Variants in SPAST observed in about 807,000 individuals in gnomAD.
SPAST encodes spastin, also known as spastic paraplegia 4 (autosomal dominant; spastin).
In SPAST, 30 loss-of-function variants were observed where a neutral mutation model predicts 76.6. The ratio of observed to expected loss-of-function variants is 0.39; its 90% confidence interval spans 0.29 to 0.53. The LOEUF (loss-of-function observed/expected upper bound fraction) is 0.53. Among genes scored for constraint, SPAST ranks in the 20% least tolerant of loss-of-function variants. The pLI is 0.68. For synonymous variants in SPAST, 305 were observed against 281.0 expected, an observed-to-expected ratio of 1.09 and a Z score of -0.86; for missense variants, 717 against 770.5, an observed-to-expected ratio of 0.93 and a Z score of 0.82.
intron 1 of SPAST, among the ~76,000 whole-genome samples, chr2:32,077,570 T>C (rs1281712524): frequency 6.6e-6 from 1 of 152,152 alleles, no homozygotes; most frequent in Non-Finnish European, 1.5e-5. Context: ...CCAGACAGAT[T>C]AACTGACTTT....
chr2:32,136,113 T>A (rs1401595177), intron 9 of SPAST, among the ~76,000 whole-genome samples: 3 of 151,828 alleles, frequency 2.0e-5, no homozygotes, highest in African/African-American at 7.3e-5. Flanking sequence ...GAAATTTTGA[T>A]ATTTATGTGA....
At chr2:32,138,215 T>C (rs1022820979) in intron 12 of SPAST, among the ~76,000 whole-genome samples, 1 of 152,232 alleles carries the variant, frequency 6.6e-6, no homozygotes, top group African/African-American at 2.4e-5. Context: ...ATTTGTTTTA[T>C]GTTTTTTGAG....
At chr2:32,103,638 A>G (rs183634832) in intron 4 of SPAST, among the ~76,000 whole-genome samples, 1 of 152,074 alleles carries the variant, frequency 6.6e-6, no homozygotes, top group Non-Finnish European at 1.5e-5. Flanking sequence ...ACTACTTTAA[A>G]TGTGTCCCAA....
intron 4 of SPAST, among the ~76,000 whole-genome samples, chr2:32,101,082 G>A (rs1266544790): frequency 6.6e-6 from 1 of 152,186 alleles, no homozygotes. Flanking sequence ...CATCAACAGT[G>A]TAAAAGTGTT....
intron 7 of SPAST, among the ~76,000 whole-genome samples, chr2:32,121,503 T>A (rs866021231): frequency 6.6e-6 from 1 of 151,474 alleles, no homozygotes; most frequent in Non-Finnish European, 1.5e-5. Flanking sequence ...ATTCTTTAAT[T>A]TAAAAAAAGT....
At chr2:32,073,507 C>G (rs886904377) in intron 1 of SPAST, among the ~76,000 whole-genome samples, 3 of 152,026 alleles carry the variant, frequency 2.0e-5, no homozygotes, top group African/African-American at 4.8e-5. Context: ...GTTTTTAAAG[C>G]AAGATAGAGA....
intron 4 of SPAST, among the ~76,000 whole-genome samples, chr2:32,112,732 G>T (rs1211103798): frequency 6.6e-6 from 1 of 152,024 alleles, no homozygotes; most frequent in African/African-American, 2.4e-5. Context: ...AAAGTAAACT[G>T]GTTGTCTAAA....
intron 4 of SPAST, among the ~76,000 whole-genome samples, chr2:32,113,376 C>T (rs1415196670): frequency 2.0e-5 from 3 of 151,750 alleles, no homozygotes; most frequent in African/African-American, 7.3e-5. Context: ...TGAGCTACTG[C>T]ACCCGGCCTA....
At chr2:32,142,021 C>A in intron 13 of SPAST, 75 bp downstream of exon 13, 1 of 1,122,502 alleles carries the variant, frequency 8.9e-7, no homozygotes, top group Non-Finnish European at 1.4e-6. Context: ...ATTAAGTCTT[C>A]CAATCCATGG....
chr2:32,114,446 CT>C (rs1049983063), intron 4 of SPAST, among the ~76,000 whole-genome samples, 191 bp from the exon 5 acceptor site: 2 of 152,032 alleles, frequency 1.3e-5, no homozygotes, highest in African/African-American at 4.8e-5. Flanking sequence ...GGGAAAAAAC[CT>C]AATAACCATA....
chr2:32,083,683 G>T (rs1027052540), intron 1 of SPAST, among the ~76,000 whole-genome samples: 110 of 112,424 alleles, frequency 9.8e-4, no homozygotes, highest in African/African-American at 3.6e-3. Context: ...ATATTTTTAT[G>T]CTATATATAG....
chr2:32,085,307 CTT>C (rs780707874), intron 1 of SPAST, among the ~76,000 whole-genome samples: 3 of 148,118 alleles, frequency 2.0e-5, no homozygotes, highest in Non-Finnish European at 3.0e-5. Flanking sequence ...ACTTCTACCT[CTT>C]CAGCTCAAGT....
chr2:32,151,730 C>T (rs370514632), intron 16 of SPAST, among the ~76,000 whole-genome samples: 1 of 151,770 alleles, frequency 6.6e-6, no homozygotes, highest in Non-Finnish European at 1.5e-5. Context: ...GCCAACGTGG[C>T]GAAACCCCGT....
chr2:32,132,144 C>G (rs1679389035), intron 9 of SPAST, among the ~76,000 whole-genome samples: 1 of 152,080 alleles, frequency 6.6e-6, no homozygotes, highest in South Asian at 2.1e-4. Flanking sequence ...AATCCCAGCA[C>G]TTTGGGAGGC....
chr2:32,090,175 C>G (rs1677655483), intron 3 of SPAST, among the ~76,000 whole-genome samples: 1 of 152,220 alleles, frequency 6.6e-6, no homozygotes, highest in Admixed American at 6.5e-5. Context: ...ATGGGCCAAC[C>G]CAGCTCACTG....
chr2:32,082,526 G>T (rs186209296), intron 1 of SPAST, among the ~76,000 whole-genome samples: 2 of 151,918 alleles, frequency 1.3e-5, no homozygotes, highest in East Asian at 2.0e-4. Flanking sequence ...GAGAAACTCC[G>T]TCTCTACTAA....
At chr2:32,152,983 A>G (rs1487251314) in intron 16 of SPAST, among the ~76,000 whole-genome samples, 1 of 152,004 alleles carries the variant, frequency 6.6e-6, no homozygotes, top group African/African-American at 2.4e-5. Flanking sequence ...CCTGGGCTCA[A>G]GTGATCCACT....
At chr2:32,137,604 G>T (rs12474659) in intron 12 of SPAST, among the ~76,000 whole-genome samples, 6,903 of 152,210 alleles carry the variant, frequency 0.045, 265 homozygotes, top group Admixed American at 0.12. Flanking sequence ...AAATTCTTGG[G>T]CATCCTTTCC....
rs772132073 is a variant in SPAST at position 32,089,537 on chromosome 2, G to A, written c.518G>A (p.Arg173Lys). ...TTTCTTTCAGGTGAACAGTGTGAAAGAGCTAGACGCCTTCAAGCTAAAATG... is the reference window on the plus strand; with the variant it reads ...TTTCTTTCAGGTGAACAGTGTGAAAAAGCTAGACGCCTTCAAGCTAAAATG... ...IVTGQGEQCE[R>K]ARRLQAKMMT... Residue 173 changes from arginine to lysine, a missense_variant, in exon 3 of 17, where the codon AGA becomes AAA. By Grantham distance (26) the Arg-to-Lys change is conservative. Around this residue, in one of 3 missense-constraint regions of SPAST, gnomAD observed 543 missense variants for 445.2 expected, o/e 1.22. Transcript: ENST00000315285. The A allele has an allele frequency of 6.9e-6, 11 of 1,593,766 alleles. No individual in the cohort carries two copies. Among genetic ancestry groups the A allele is most frequent in the Non-Finnish European group, 9.5e-6 (11 of 1,161,714 alleles).
Sources: allele counts gnomAD v4.1 joint callset (sites outside exome capture counted in the v4.1 genomes callset), GRCh38; gene constraint gnomAD v4.1.1; regional missense constraint gnomAD v4.1.1; transcripts MANE v1.5; gene names NCBI Gene and HGNC (gene_info 2026-07-23, HGNC 2026-07-21).